Variants in ACAD8 observed in about 807,000 individuals in gnomAD.
ACAD8 encodes the protein acyl-CoA dehydrogenase family member 8.
ACAD8 carries 47 observed loss-of-function variants against 53.1 expected under a neutral mutation model. The ratio of observed to expected loss-of-function variants is 0.89; its 90% CI spans 0.70 to 1.13. ACAD8 has a LOEUF of 1.13. ACAD8 is among the 50% of genes most tolerant of loss of function. The pLI is 0.00. For missense variants in ACAD8, 494 were observed against 535.0 expected (o/e 0.92, Z 0.76); for synonymous variants, 198 against 201.3 (o/e 0.98, Z 0.14).
chr11:134,259,848 C>T, intron 6 of ACAD8, 103 bp downstream of exon 6: 2 of 1,584,450 alleles, frequency 1.3e-6, no homozygotes, highest in Non-Finnish European at 1.7e-6. Flanking sequence ...TACTTGCTAA[C>T]CTACCTTTGA....
rs753005132 is a variant in ACAD8, at chr11:134,262,550, G to A, written c.1123G>A (p.Gly375Ser). 3 of 1,614,016 alleles carry A rather than the reference G, an allele frequency of 1.9e-6. No individual in the cohort carries two copies. The highest frequency in any genetic ancestry group is 3.3e-5 in the Admixed American group (2 of 60,012). ...ICNQALQMHG[G>S]YGYLKDYAVQ... is the part of the protein sequence containing the mutation. ...CAACCAGGCCTTGCAGATGCACGGG[G>A]GCTACGGCTACCTGAAGGATTACGC... The change falls in exon 10 of 11, where the codon GGC becomes AGC. Residue 375 changes from glycine (G) to serine (S), a missense_variant. By Grantham distance (56) the Gly-to-Ser change is moderately conservative. Coordinates refer to ENST00000281182, the MANE Select transcript of ACAD8 (RefSeq NM_014384.3).
chr11:134,263,718 A>G, intron 10 of ACAD8: 1 of 985,370 alleles, frequency 1.0e-6, no homozygotes, highest in Non-Finnish European at 1.2e-6. Context: ...CCTTCATTCT[A>G]ACTCTCTCTC....
At chr11:134,263,129 A>G in intron 10 of ACAD8, 1 of 1,094,318 alleles carries the variant, frequency 9.1e-7, no homozygotes, top group Non-Finnish European at 1.1e-6. Flanking sequence ...AGTCACAGAC[A>G]TTCTATCGAG....
rs533310201 is a variant in ACAD8 at position 134,260,958 on chromosome 11, C to T, written c.706-86C>T. 1.0e-4 allele frequency: 152 copies of T among 1,522,350 alleles called. No homozygotes were observed. In the African/African-American group the frequency reaches 1.8e-3, roughly 18 times the overall value. 94.3% of individuals were successfully genotyped at this position (1,522,350 alleles called of 1,614,324 possible). A position where few individuals can be genotyped will look rare whatever the true frequency, so the allele number is the denominator to read the frequency against. On this transcript the variant is annotated intron_variant, in intron 6 of 10. Transcript: ENST00000281182. The stretch of plus-strand genomic sequence containing the variant: ...GGGTCTAAGTCTTGGGTGCTGAAAC[C>T]CATACCTCACAGGCTCCCGTCCCCA...
intron 10 of ACAD8, chr11:134,264,046 T>C (rs1297901664): frequency 2.0e-6 from 2 of 985,040 alleles, no homozygotes; most frequent in South Asian, 4.7e-5. Context: ...TGAAACCTTA[T>C]AAAATTAGGA....
chr11:134,256,542 C>T lies in ACAD8; in HGVS notation c.110-6C>T, dbSNP rs559628768. ...CCTAGAACAGTATATGCAATCCTGC[C>T]CACAGCTTCCATGGGACTTAATGAA... On this transcript the variant is annotated splice_region_variant and splice_polypyrimidine_tract_variant and intron_variant, in intron 1 of 10. Coordinates refer to ENST00000281182, the MANE Select transcript of ACAD8 (RefSeq NM_014384.3). The T allele has an allele frequency of 1.9e-6, 3 of 1,613,482 alleles. No individual in the cohort carries two copies. In the South Asian group the frequency reaches 3.3e-5, roughly 18 times the overall value.
At chr11:134,262,844 C>G in intron 10 of ACAD8, 4 of 1,431,260 alleles carry the variant, frequency 2.8e-6, no homozygotes, top group Non-Finnish European at 3.7e-6. Flanking sequence ...CGCTCTGCTG[C>G]TGCCCTTTTC....
chr11:134,256,489 A>G (rs1282575299), intron 1 of ACAD8, 59 bp from the exon 2 acceptor site: 2 of 1,422,988 alleles, frequency 1.4e-6, no homozygotes, highest in Non-Finnish European at 2.0e-6. Flanking sequence ...TCTTGTTGGC[A>G]ACACCTTGTT....
intron 10 of ACAD8, chr11:134,263,704 T>C: frequency 1.0e-6 from 1 of 984,794 alleles, no homozygotes; most frequent in Non-Finnish European, 1.2e-6. Context: ...CGTAGGAAAC[T>C]TCGCCTTCAT....
At chr11:134,262,175 C>G (rs1443522669) in intron 9 of ACAD8, 8 of 657,892 alleles carry the variant, frequency 1.2e-5, no homozygotes, top group Non-Finnish European at 1.7e-5. Flanking sequence ...CCCAATTTAG[C>G]ACTCTGCCAT....
chr11:134,263,406 C>T (rs1468582081), intron 10 of ACAD8: 1 of 985,880 alleles, frequency 1.0e-6, no homozygotes, highest in Non-Finnish European at 1.2e-6. Context: ...CGGGCCTCAA[C>T]CCCAGAGCTT....
chr11:134,253,834 A>AC (rs1215379043), intron 1 of ACAD8, 125 bp downstream of exon 1: 164 of 1,040,124 alleles, frequency 1.6e-4, no homozygotes, highest in African/African-American at 5.5e-4. Context: ...CCGGCCAGTC[A>AC]CCCCCCCGGC....
chr11:134,257,407 C>T (rs1939603298), intron 3 of ACAD8, 150 bp downstream of exon 3: 1 of 1,025,768 alleles, frequency 9.7e-7, no homozygotes, highest in Non-Finnish European at 1.4e-6. Flanking sequence ...GGCGCAGTGG[C>T]TCGTGCCTGT....
intron 2 of ACAD8, 65 bp from the exon 3 acceptor site, chr11:134,257,023 T>G: frequency 6.4e-7 from 1 of 1,553,470 alleles, no homozygotes; most frequent in Non-Finnish European, 8.9e-7. Flanking sequence ...TCCCTCACTG[T>G]GCCCTCTAAA....
In ACAD8 at chr11:134,258,726, T is replaced by G. The variant is rs1591510066; in HGVS notation, c.490+102T>G. 1.1e-5 allele frequency: 10 copies of G among 903,686 alleles called. No individual in the cohort carries two copies. The Admixed American group carries it at 2.0e-4, about 18-fold the overall frequency. 56.0% of individuals were successfully genotyped at this position (903,686 alleles called of 1,614,324 possible). On this transcript the variant is annotated intron_variant, in intron 4 of 10. Coordinates refer to ENST00000281182, the MANE Select transcript of ACAD8 (RefSeq NM_014384.3). ...CCAGCCTCTTGACATGTCGAGCCAC[T>G]GTTTATCTAGCTGTTTGGTTGAGGA... is the stretch of plus-strand genomic sequence containing the variant.
chr11:134,258,004 C>G (rs939969523), intron 3 of ACAD8: 23 of 198,384 alleles, frequency 1.2e-4, no homozygotes, highest in Non-Finnish European at 2.1e-4. Flanking sequence ...CACGTGCCAC[C>G]ACACCTGGCT....
In ACAD8 at chr11:134,262,967, A is replaced by G. The variant is rs1433961843; in HGVS notation, c.1195+345A>G. 3.2e-6 allele frequency: 4 copies of G among 1,239,842 alleles called. No individual in the cohort carries two copies. The African/African-American group carries it at 6.2e-5, about 19-fold the overall frequency. The allele number at this position is 1,239,842 out of a possible 1,614,324, so 76.8% of individuals were successfully genotyped here. A position where few individuals can be genotyped will look rare whatever the true frequency, so the allele number is the denominator to read the frequency against. On this transcript the variant is annotated intron_variant, in intron 10 of 10. Transcript: ENST00000281182. ...CGAGTACGTGGTTCTCAGGGATCCA[A>G]GAACAGTGATGGACAAGGCAAATGT... is the stretch of plus-strand genomic sequence containing the variant.
chr11:134,258,752 GTAA>G, intron 4 of ACAD8, 128 bp downstream of exon 4: 1 of 805,750 alleles, frequency 1.2e-6, no homozygotes, highest in South Asian at 1.5e-5. Flanking sequence ...TGGTTGAGGA[GTAA>G]TAGAGTCCTG....
intron 6 of ACAD8, chr11:134,260,288 A>G: frequency 1.3e-6 from 1 of 760,546 alleles, no homozygotes; most frequent in Non-Finnish European, 1.7e-6. Flanking sequence ...ACTTGTGATC[A>G]TGTAACCGTA....
Sources: allele counts gnomAD v4.1 joint callset, GRCh38; gene constraint gnomAD v4.1.1; transcripts MANE v1.5; gene names NCBI Gene and HGNC (gene_info 2026-07-23, HGNC 2026-07-21).